The following POLN variants were observed in gnomAD, a reference collection of about 807,000 sequenced individuals.
POLN encodes DNA polymerase N.
POLN carries 108 observed loss-of-function variants against 113.5 expected under a neutral mutation model. The ratio of observed to expected loss-of-function variants is 0.95; its 90% CI spans 0.81 to 1.12. POLN has a LOEUF of 1.12. POLN is among the 50% of genes most tolerant of loss of function. The pLI is 0.00. For synonymous variants in POLN, 386 were observed against 391.5 expected (o/e 0.99, Z 0.17); for missense variants, 1,097 against 1,077.1 (o/e 1.02, Z -0.26).
chr4:2,173,445 G>A (rs925613718), intron 11 of POLN, among the ~76,000 whole-genome samples: 1 of 148,616 alleles, frequency 6.7e-6, no homozygotes, highest in African/African-American at 2.6e-5. Flanking sequence ...ATCAAACACT[G>A]AATTTATTTC....
At chr4:2,131,179 T>C in intron 17 of POLN, 54 bp downstream of exon 17, 1 of 1,294,378 alleles carries the variant, frequency 7.7e-7, no homozygotes, top group African/African-American at 1.5e-5. Flanking sequence ...AGTGACACCC[T>C]ATCTCAAAAG....
chr4:2,241,745 CA>C lies in POLN; in HGVS notation c.-239del. 1.0e-6 allele frequency: 1 copy of C among 985,494 alleles called. No homozygotes were observed. Among genetic ancestry groups the C allele is most frequent in the Non-Finnish European group, 1.2e-6 (1 of 829,948 alleles). 61.0% of individuals were successfully genotyped at this position (985,494 alleles called of 1,614,324 possible). A position where few individuals can be genotyped will look rare whatever the true frequency, so the allele number is the denominator to read the frequency against. On this transcript the variant is annotated 5_prime_UTR_variant, in exon 2 of 26. Transcript: ENST00000511885. ...CGCGATACACCAGACGCGCCAGCGG[CA>C]AAACCTTCCTTCGGAGGGTCACCCA...
chr4:2,189,153 G>A (rs947250586), intron 7 of POLN, among the ~76,000 whole-genome samples: 1 of 152,030 alleles, frequency 6.6e-6, no homozygotes, highest in South Asian at 2.1e-4. Context: ...GTAACAAAAT[G>A]GTAGTAATAA....
Position 2,214,420 on chromosome 4 carries a change from T to C in POLN, c.134-1294A>G, listed in dbSNP as rs1313091713. Among the ~76,000 whole-genome samples, 7 of 152,070 alleles carry C rather than the reference T, an allele frequency of 4.6e-5. No homozygotes were observed. In the East Asian group the frequency reaches 1.2e-3, roughly 25 times the overall value. ...CCACATCAAAAAGAAAATAAATGCA[T>C]TGGGAAAACTATTTGGAACAAAAAT... On this transcript the variant is annotated intron_variant, in intron 3 of 25. Coordinates refer to ENST00000511885, the MANE Select transcript of POLN (RefSeq NM_181808.4).
intron 19 of POLN, among the ~76,000 whole-genome samples, chr4:2,118,595 T>C (rs1169077135): frequency 6.6e-6 from 1 of 152,220 alleles, no homozygotes; most frequent in Non-Finnish European, 1.5e-5. Flanking sequence ...TTACCAAATG[T>C]TATACCATTT....
At chr4:2,072,707 T>G (rs1730179027) in intron 25 of POLN, among the ~76,000 whole-genome samples, 2 of 152,166 alleles carry the variant, frequency 1.3e-5, no homozygotes, top group Admixed American at 1.3e-4. Context: ...TCCCTGACCT[T>G]GAGTGGACCA....
intron 16 of POLN, among the ~76,000 whole-genome samples, chr4:2,154,654 A>G (rs1318747900): frequency 6.6e-6 from 1 of 152,222 alleles, no homozygotes; most frequent in Non-Finnish European, 1.5e-5. Flanking sequence ...AAATTGCACT[A>G]TAGAAATCAA....
intron 3 of POLN, among the ~76,000 whole-genome samples, chr4:2,224,899 G>A (rs756042934): frequency 7.2e-5 from 11 of 151,944 alleles, no homozygotes; most frequent in Non-Finnish European, 1.0e-4. Flanking sequence ...GCAGTGAGCC[G>A]AGATTGCACC....
At position 2,202,343 on chromosome 4, in the gene POLN, G is replaced by A. The variant is rs1577767437; in HGVS notation, c.715-3626C>T. On this transcript the variant is annotated intron_variant, in intron 5 of 25. Transcript: ENST00000511885. Reference sequence around the variant, plus strand: ...CTCACATACACTTAAGGTAAGAGTGGAAAAAGACATTCCATGCAAAGGGAG... The same window carrying A: ...CTCACATACACTTAAGGTAAGAGTGAAAAAAGACATTCCATGCAAAGGGAG... 2.6e-5 allele frequency among the ~76,000 whole-genome samples: 4 copies of A among 152,232 alleles called. No individual in the cohort carries two copies. In the East Asian group the frequency reaches 7.7e-4, roughly 29 times the overall value.
At chr4:2,238,784 G>C (rs780154158) in intron 2 of POLN, 34 of 1,613,498 alleles carry the variant, frequency 2.1e-5, no homozygotes, top group African/African-American at 2.7e-5. Context: ...AATTTCATAT[G>C]ATAACTGTAG....
intron 16 of POLN, among the ~76,000 whole-genome samples, chr4:2,133,160 A>AT (rs1553896586): frequency 6.6e-5 from 10 of 151,642 alleles, no homozygotes; most frequent in Admixed American, 3.3e-4. Context: ...AAAAAAAAAA[A>AT]AAATAACATG....
rs904308262 is a variant in POLN, at chr4:2,126,561, AGAGACCAGAGAGGAGCG to A, written c.1982+1535_1982+1551del. On this transcript the variant is annotated intron_variant, in intron 19 of 25. Coordinates refer to ENST00000511885, the MANE Select transcript of POLN (RefSeq NM_181808.4). The surrounding 1 kb of genome is among the most constrained non-coding windows in gnomAD (Gnocchi z 4.6). ...AATGTGCATCGGACCAGAGAGGAGC[AGAGACCAGAGAGGAGCG>A]GAGACCAGAGAGAAGCGGAGACCAG... 2.0e-5 allele frequency among the ~76,000 whole-genome samples: 3 copies of A among 152,200 alleles called. No individual in the cohort carries two copies. Among genetic ancestry groups the A allele is most frequent in the Non-Finnish European group, 2.9e-5 (2 of 68,010 alleles).
At position 2,129,225 on chromosome 4, in the gene POLN, C is replaced by G. The variant is rs141684891; in HGVS notation, c.1821G>C (p.Pro607=). The G allele has an allele frequency of 2.9e-4, 458 of 1,599,792 alleles. 5 individuals carry two copies. The African/African-American group carries it at 5.7e-3, about 20-fold the overall frequency. The change falls in exon 18 of 26, where the codon CCG becomes CCC. Residue 607 remains proline, a synonymous_variant. Transcript: ENST00000511885. ...GKEDKILTIS[P]RAMFVSSKGH... The stretch of plus-strand genomic sequence containing the variant: ...CTTTGGATGAAACAAACATGGCCCT[C>G]GGGGAGATCGTGAGAATCTTGTCTT...
intron 18 of POLN, 51 bp from the exon 19 acceptor site, chr4:2,128,278 G>T: frequency 8.0e-7 from 1 of 1,247,868 alleles, no homozygotes; most frequent in Non-Finnish European, 1.2e-6. Context: ...AATGTTCCTC[G>T]TGTTTGCTGC....
In POLN at chr4:2,085,638, T is replaced by C. The variant is rs2108692559; in HGVS notation, c.2172A>G (p.Ala724=). ...KYKKIKDFAR[A]AIAQCHQTGC... ...CTGTCTGGTGACACTGGGCAATAGC[T>C]GCTCGGGCGAAGTCCTTGATTTTCT... The change falls in exon 21 of 26, where the codon GCA becomes GCG. Residue 724 remains alanine (A), a synonymous_variant. Transcript: ENST00000511885. The C allele has an allele frequency of 3.1e-6, 5 of 1,614,132 alleles. No individual in the cohort carries two copies. The East Asian group carries it at 8.9e-5, about 29-fold the overall frequency.
chr4:2,184,070 T>C (rs1733210632), intron 7 of POLN, among the ~76,000 whole-genome samples: 1 of 151,694 alleles, frequency 6.6e-6, no homozygotes, highest in South Asian at 2.1e-4. Context: ...GCCAGGCTGG[T>C]CTTGAACTCC....
intron 7 of POLN, among the ~76,000 whole-genome samples, chr4:2,179,941 C>T (rs889378621): frequency 2.0e-5 from 3 of 152,164 alleles, no homozygotes; most frequent in African/African-American, 4.8e-5. Context: ...GGAAGAAGGG[C>T]GGGAGTTGCC....
At chr4:2,153,805 C>T (rs1395812461) in intron 16 of POLN, among the ~76,000 whole-genome samples, 3 of 151,884 alleles carry the variant, frequency 2.0e-5, no homozygotes, top group Admixed American at 6.5e-5. Flanking sequence ...AGAATGTTCT[C>T]GATCTCCTGA....
intron 21 of POLN, chr4:2,082,817 T>A (rs1184251532): frequency 6.6e-6 from 1 of 152,270 alleles, no homozygotes; most frequent in Non-Finnish European, 1.5e-5. Context: ...CTGGGCACTG[T>A]GAATTTTATG....
Sources: allele counts gnomAD v4.1 joint callset (sites outside exome capture counted in the v4.1 genomes callset), GRCh38; gene constraint gnomAD v4.1.1; non-coding constraint Gnocchi (gnomAD v3.1); transcripts MANE v1.5; gene names NCBI Gene and HGNC (gene_info 2026-07-23, HGNC 2026-07-21).